Variants in TMEM182 observed in about 807,000 individuals in gnomAD.
TMEM182 encodes transmembrane protein 182.
In TMEM182, 20 loss-of-function variants were observed where a neutral mutation model predicts 26.8. The ratio of observed to expected loss-of-function variants is 0.75; its 90% CI spans 0.53 to 1.09. The LOEUF is 1.09. TMEM182 is among the 50% of genes least tolerant of loss of function. TMEM182 has a pLI of 0.00. For synonymous variants in TMEM182, 109 were observed against 102.2 expected (o/e 1.07, Z -0.40); for missense variants, 277 against 275.5 (o/e 1.01, Z -0.04).
chr2:102,795,453 T>G (rs1044478566), intron 3 of TMEM182, among the ~76,000 whole-genome samples: 3 of 152,222 alleles, frequency 2.0e-5, no homozygotes, highest in African/African-American at 7.2e-5. Context: ...TATTATTATT[T>G]TTTCGGCAGG....
At chr2:102,797,376 G>T (rs1681912420) in intron 3 of TMEM182, among the ~76,000 whole-genome samples, 1 of 152,156 alleles carries the variant, frequency 6.6e-6, no homozygotes, top group African/African-American at 2.4e-5. Context: ...GGGGCTTGGG[G>T]TGACTATTAT....
upstream of TMEM182, chr2:102,758,427 A>G: frequency 1.4e-6 from 1 of 716,292 alleles, no homozygotes. Flanking sequence ...GTGACAGGCA[A>G]ATGTCCAATT....
chr2:102,779,590 G>T (rs1335256749), intron 3 of TMEM182, among the ~76,000 whole-genome samples: 2 of 151,858 alleles, frequency 1.3e-5, no homozygotes, highest in Admixed American at 6.6e-5. Flanking sequence ...TGTTTTCTCT[G>T]TCCCCTTCAT....
At chr2:102,823,826 C>G (rs1001784618) in intron 3 of TMEM182, among the ~76,000 whole-genome samples, 14 of 152,142 alleles carry the variant, frequency 9.2e-5, no homozygotes, top group African/African-American at 3.1e-4. Context: ...TGGAAGAATC[C>G]CAGTGACTGT....
chr2:102,782,209 G>A (rs576396569), intron 3 of TMEM182, among the ~76,000 whole-genome samples: 1 of 152,150 alleles, frequency 6.6e-6, no homozygotes, highest in East Asian at 1.9e-4. Context: ...GGTAGGCTGA[G>A]GCAGGAGAAT....
chr2:102,795,905 A>G (rs561553145), intron 3 of TMEM182, among the ~76,000 whole-genome samples: 28 of 152,158 alleles, frequency 1.8e-4, no homozygotes, highest in African/African-American at 5.8e-4. Context: ...AAACATAACC[A>G]TGATTCCTCC....
chr2:102,744,359 A>G (rs1250785835), intron 1 of TMEM182, among the ~76,000 whole-genome samples: 4 of 152,148 alleles, frequency 2.6e-5, no homozygotes, highest in African/African-American at 9.7e-5. Context: ...ACAAACTACA[A>G]ATGAAAATGT....
At chr2:102,783,721 G>A (rs776807329) in intron 3 of TMEM182, among the ~76,000 whole-genome samples, 4 of 152,152 alleles carry the variant, frequency 2.6e-5, no homozygotes, top group Non-Finnish European at 5.9e-5. Context: ...GTTTGAGGCT[G>A]TAGTGAGCTA....
In TMEM182 at chr2:102,841,126, C is replaced by T. The variant is rs192667639; in HGVS notation, c.326-2286C>T. On this transcript the variant is annotated intron_variant, in intron 3 of 3. Coordinates refer to the TMEM182 transcript ENST00000486293. ...AGGAACTAACAGCTGCAGGCGGAGG[C>T]GGATCGGGGAGCTGGAGTGGAAAGA... 6.2e-4 allele frequency among the ~76,000 whole-genome samples: 94 copies of T among 152,102 alleles called. 1 individual carries two copies. Among genetic ancestry groups the T allele is most frequent in the African/African-American group, 2.1e-3 (86 of 41,508 alleles).
intron 3 of TMEM182, among the ~76,000 whole-genome samples, chr2:102,839,471 A>ATAT (rs1553446276): frequency 6.7e-5 from 9 of 134,882 alleles, no homozygotes; most frequent in African/African-American, 1.4e-4. Context: ...ATATATATAT[A>ATAT]ATATATACAC....
intron 4 of TMEM182, among the ~76,000 whole-genome samples, chr2:102,802,945 A>T (rs940504079): frequency 1.3e-5 from 2 of 152,232 alleles, no homozygotes; most frequent in Admixed American, 6.5e-5. Flanking sequence ...TGCAGAAAGT[A>T]GAAACAGAGT....
intron 3 of TMEM182, among the ~76,000 whole-genome samples, chr2:102,778,010 T>C (rs1680996260): frequency 6.6e-6 from 1 of 151,992 alleles, no homozygotes; most frequent in South Asian, 2.1e-4. Context: ...TAAATGTTGA[T>C]TAGTTAGATT....
chr2:102,800,551 C>T lies in TMEM182; in HGVS notation c.469+2551C>T, dbSNP rs528523854. ...TTTCTCACCCAAACGACACTTTACC[C>T]TTTCCCTTTTCAAAGTTCCAGTAAG... is the stretch of plus-strand genomic sequence containing the variant. On this transcript the variant is annotated intron_variant, in intron 4 of 4. Transcript: ENST00000412401. Among the ~76,000 whole-genome samples the T allele has an allele frequency of 3.3e-5, 5 of 152,270 alleles. No individual in the cohort carries two copies. The South Asian group carries it at 1.0e-3, about 32-fold the overall frequency.
At chr2:102,840,417 A>G (rs185270766) in intron 3 of TMEM182, among the ~76,000 whole-genome samples, 1 of 152,278 alleles carries the variant, frequency 6.6e-6, no homozygotes, top group East Asian at 1.9e-4. Context: ...TAACTCTTCT[A>G]CAGAGGAATC....
intron 3 of TMEM182, among the ~76,000 whole-genome samples, chr2:102,792,916 TC>T (rs1188536640): frequency 1.3e-5 from 2 of 152,198 alleles, no homozygotes; most frequent in Non-Finnish European, 2.9e-5. Flanking sequence ...GCGCATTTTT[TC>T]CACACTTCTG....
intron 4 of TMEM182, 74 bp from the exon 5 acceptor site, chr2:102,814,674 A>G: frequency 7.4e-7 from 1 of 1,348,190 alleles, no homozygotes. Flanking sequence ...CATCCGGTCA[A>G]TGATTGGTTT....
At chr2:102,758,227 A>G (rs567860248), upstream of TMEM182, among the ~76,000 whole-genome samples, 1 of 152,162 alleles carries the variant, frequency 6.6e-6, no homozygotes, top group African/African-American at 2.4e-5. Context: ...CTGGCCTTTC[A>G]TTAAAAAAGA....
intron 3 of TMEM182, among the ~76,000 whole-genome samples, chr2:102,834,900 G>C (rs909690399): frequency 1.3e-5 from 2 of 152,152 alleles, no homozygotes; most frequent in African/African-American, 4.8e-5. Context: ...TTAATGCCAG[G>C]ATGCAAATTG....
intron 4 of TMEM182, among the ~76,000 whole-genome samples, chr2:102,803,840 G>A (rs1408366415): frequency 6.6e-6 from 1 of 152,158 alleles, no homozygotes; most frequent in Non-Finnish European, 1.5e-5. Flanking sequence ...GAGGCAGGCT[G>A]TCTACACTTG....
Sources: allele counts gnomAD v4.1 joint callset (sites outside exome capture counted in the v4.1 genomes callset), GRCh38; gene constraint gnomAD v4.1.1; transcripts MANE v1.5; gene names NCBI Gene and HGNC (gene_info 2026-07-23, HGNC 2026-07-21).